The following SMAD6 variants were observed in gnomAD, a reference collection of about 807,000 sequenced individuals.
SMAD6 encodes MAD homolog 6.
SMAD6 carries 103 observed loss-of-function variants against 39.4 expected under a neutral mutation model. The observed-to-expected ratio is 2.62, with a 90% confidence interval of 2.23 to 3.08. The LOEUF (loss-of-function observed/expected upper bound fraction) is 3.08. Ranked by LOEUF, SMAD6 falls within the 30% of genes most tolerant of loss-of-function variation. The pLI, the probability that SMAD6 is intolerant of heterozygous loss-of-function variation, is 0.00. For synonymous variants in SMAD6, 445 were observed against 353.3 expected, an observed-to-expected ratio of 1.26 and a Z score of -2.91; for missense variants, 1,104 against 742.9, an observed-to-expected ratio of 1.49 and a Z score of -5.65.
At chr15:66,711,761 G>A in intron 2 of SMAD6, 37 bp downstream of exon 2, 2 of 1,542,214 alleles carry the variant, frequency 1.3e-6, no homozygotes. Flanking sequence ...GCAGAGGTGT[G>A]TCCCGAACTG....
At chr15:66,763,299 G>C (rs1272725414) in intron 3 of SMAD6, among the ~76,000 whole-genome samples, 1 of 152,212 alleles carries the variant, frequency 6.6e-6, no homozygotes, top group African/African-American at 2.4e-5. Context: ...CGCCAGGACA[G>C]GGGCACCCTG....
rs1893011295 is a variant in SMAD6, at chr15:66,703,129, GTCTGC to G, written c.-129_-125del. 3 of 614,820 alleles carry G rather than the reference GTCTGC, an allele frequency of 4.9e-6. No individual in the cohort carries two copies. The allele number at this position is 614,820 out of a possible 1,614,324, so 38.1% of individuals were successfully genotyped here. A position where few individuals can be genotyped will look rare whatever the true frequency, so the allele number is the denominator to read the frequency against. ...CCCCTTCGACGACAGGCTGTGCGCG[GTCTGC>G]ACGGCGCTCCGCGGCGGAGCTTCAT... is the stretch of plus-strand genomic sequence containing the variant. On this transcript the variant is annotated 5_prime_UTR_variant, in exon 1 of 4. An upstream open reading frame in the 5' UTR loses its in-frame stop. Transcript: ENST00000288840.
At chr15:66,719,922 TG>T (rs1893402001) in intron 3 of SMAD6, among the ~76,000 whole-genome samples, 1 of 151,834 alleles carries the variant, frequency 6.6e-6, no homozygotes, top group African/African-American at 2.4e-5. Context: ...AGGGGGGTGG[TG>T]GAGGGAGGCT....
At chr15:66,739,815 G>GT (rs752887944) in intron 3 of SMAD6, among the ~76,000 whole-genome samples, 81 of 152,218 alleles carry the variant, frequency 5.3e-4, no homozygotes, top group Middle Eastern at 3.4e-3. Flanking sequence ...ATTTTAATTA[G>GT]TTTTTTTAAG....
chr15:66,728,976 A>G (rs145593218), intron 3 of SMAD6, among the ~76,000 whole-genome samples: 110 of 152,302 alleles, frequency 7.2e-4, no homozygotes, highest in African/African-American at 2.6e-3. Context: ...GGTCAGCCTT[A>G]TTAGATACTG....
At chr15:66,704,195 A>T in intron 1 of SMAD6, 120 bp downstream of exon 1, 2 of 771,590 alleles carry the variant, frequency 2.6e-6, no homozygotes, top group Non-Finnish European at 3.6e-6. Flanking sequence ...GTGCCCTTGG[A>T]GCGTGGGAGC....
At chr15:66,770,009 G>A (rs1894353629) in intron 3 of SMAD6, among the ~76,000 whole-genome samples, 1 of 152,162 alleles carries the variant, frequency 6.6e-6, no homozygotes, top group Non-Finnish European at 1.5e-5. Context: ...TGTATTTTTA[G>A]TAGAGACAGG....
intron 3 of SMAD6, among the ~76,000 whole-genome samples, chr15:66,725,220 A>G (rs945255526): frequency 6.6e-6 from 1 of 152,146 alleles, no homozygotes; most frequent in Non-Finnish European, 1.5e-5. Flanking sequence ...AGGGAAGCAG[A>G]GATGCATTGC....
intron 3 of SMAD6, among the ~76,000 whole-genome samples, chr15:66,737,801 C>T (rs1893740801): frequency 6.6e-6 from 1 of 152,142 alleles, no homozygotes; most frequent in Non-Finnish European, 1.5e-5. Context: ...AACCCAGAGC[C>T]TGGGACCCAA....
chr15:66,735,915 C>G (rs887757411), intron 3 of SMAD6, among the ~76,000 whole-genome samples: 2 of 152,178 alleles, frequency 1.3e-5, no homozygotes, highest in African/African-American at 4.8e-5. Flanking sequence ...TAGCTAGAGG[C>G]GAAGAGGACC....
chr15:66,717,629 G>A (rs1893356141), intron 3 of SMAD6: 2 of 368,482 alleles, frequency 5.4e-6, no homozygotes, highest in Admixed American at 3.2e-5. Flanking sequence ...CCAGCCCAGA[G>A]CCTTTGCCTA....
intron 3 of SMAD6, among the ~76,000 whole-genome samples, chr15:66,780,230 C>A (rs1422337264): frequency 6.6e-6 from 1 of 152,078 alleles, no homozygotes; most frequent in African/African-American, 2.4e-5. Flanking sequence ...CATTTCCTGC[C>A]AAGAAAGCCA....
At chr15:66,728,944 C>T (rs1893572486) in intron 3 of SMAD6, among the ~76,000 whole-genome samples, 1 of 152,206 alleles carries the variant, frequency 6.6e-6, no homozygotes, top group Non-Finnish European at 1.5e-5. Flanking sequence ...AGTGGAATTG[C>T]TGAGCTCTAC....
intron 3 of SMAD6, among the ~76,000 whole-genome samples, chr15:66,765,314 C>T (rs1894269679): frequency 1.3e-5 from 2 of 152,178 alleles, no homozygotes; most frequent in African/African-American, 4.8e-5. Flanking sequence ...ACCTCTGCCT[C>T]CTGGGTTCAA....
intron 3 of SMAD6, among the ~76,000 whole-genome samples, chr15:66,773,881 C>T (rs1894420702): frequency 6.6e-6 from 1 of 152,144 alleles, no homozygotes; most frequent in African/African-American, 2.4e-5. Context: ...GGCCTGTCTG[C>T]CCTTGTTTCA....
chr15:66,720,337 G>T (rs1403402566), intron 3 of SMAD6, among the ~76,000 whole-genome samples: 3 of 152,074 alleles, frequency 2.0e-5, no homozygotes, highest in South Asian at 2.1e-4. Context: ...CAGAGGGCAG[G>T]GTTCTCTCAG....
intron 3 of SMAD6, among the ~76,000 whole-genome samples, chr15:66,780,013 G>T (rs1191061491): frequency 6.6e-6 from 1 of 152,228 alleles, no homozygotes; most frequent in Non-Finnish European, 1.5e-5. Flanking sequence ...CAGACACACA[G>T]ACGGCCCGAG....
intron 3 of SMAD6, among the ~76,000 whole-genome samples, chr15:66,772,760 G>C (rs559273461): frequency 6.6e-6 from 1 of 152,334 alleles, no homozygotes; most frequent in South Asian, 2.1e-4. Flanking sequence ...CACAGCTGCT[G>C]AGTGGCAGAG....
intron 3 of SMAD6, among the ~76,000 whole-genome samples, chr15:66,776,534 G>C (rs534527103): frequency 1.7e-4 from 26 of 152,316 alleles, no homozygotes; most frequent in African/African-American, 6.3e-4. Flanking sequence ...GAAACCTTTT[G>C]GACCATGTGG....
Sources: gnomAD v4.1 joint callset for allele counts (sites outside exome capture counted in the v4.1 genomes callset) on GRCh38, gnomAD v4.1.1 for gene constraint, MANE v1.5 for transcripts, NCBI Gene and HGNC (gene_info 2026-07-23, HGNC 2026-07-21) for gene names.